The following ERC2 variants were observed in gnomAD, a reference collection of about 807,000 sequenced individuals.
The protein encoded by ERC2 is ERC protein 2.
A neutral mutation model predicts 114.8 loss-of-function variants in ERC2; 42 were observed. The ratio of observed to expected loss-of-function variants is 0.37; its 90% CI spans 0.29 to 0.47. The LOEUF (loss-of-function observed/expected upper bound fraction) is 0.47, where lower values mean the gene tolerates loss of function less well. Ranked by LOEUF, ERC2 falls within the 20% of genes least tolerant of loss-of-function variation. The pLI, the probability that ERC2 is intolerant of heterozygous loss-of-function variation, is 0.99. For missense variants in ERC2, 939 were observed against 1,150.7 expected, an observed-to-expected ratio of 0.82 and a Z score of 2.66; for synonymous variants, 454 against 425.5, an observed-to-expected ratio of 1.07 and a Z score of -0.82.
At chr3:55,552,497 C>T (rs1167455636) in intron 17 of ERC2, among the ~76,000 whole-genome samples, 1 of 152,106 alleles carries the variant, frequency 6.6e-6, no homozygotes, top group African/African-American at 2.4e-5. Flanking sequence ...ATTTAATCTA[C>T]CATGTTTACA....
At chr3:55,915,930 C>CAA (rs1392531820) in intron 13 of ERC2, among the ~76,000 whole-genome samples, 1 of 152,046 alleles carries the variant, frequency 6.6e-6, no homozygotes, top group Non-Finnish European at 1.5e-5. Flanking sequence ...GATTTTAAGA[C>CAA]AAAAAAATCA....
In ERC2 at chr3:56,246,853, T is replaced by A. The variant is rs115493614; in HGVS notation, c.1074+49166A>T. ...CATTTGTATAGCAGGAATTCTCGCA[T>A]CTTCGCAGAAGTCAAATTCAACTAT... On this transcript the variant is annotated intron_variant, in intron 3 of 17. Coordinates refer to ENST00000288221, the MANE Select transcript of ERC2 (RefSeq NM_015576.3). Among the ~76,000 whole-genome samples, 340 of 152,370 alleles carry A rather than the reference T, an allele frequency of 2.2e-3. 1 individual carries two copies. The highest frequency in any genetic ancestry group is 7.9e-3 in the African/African-American group (329 of 41,588).
At chr3:55,835,412 G>T (rs2060828120) in intron 14 of ERC2, among the ~76,000 whole-genome samples, 1 of 152,142 alleles carries the variant, frequency 6.6e-6, no homozygotes, top group Non-Finnish European at 1.5e-5. Context: ...CCATGATCAA[G>T]TGGGCTTCAT....
intron 17 of ERC2, among the ~76,000 whole-genome samples, chr3:55,524,278 G>A (rs185845910): frequency 6.6e-6 from 1 of 152,164 alleles, no homozygotes; most frequent in South Asian, 2.1e-4. Context: ...TTATGTATGG[G>A]CTTGGTCATC....
intron 2 of ERC2, among the ~76,000 whole-genome samples, chr3:56,392,769 T>A (rs2060175091): frequency 6.6e-6 from 1 of 152,230 alleles, no homozygotes; most frequent in African/African-American, 2.4e-5. Flanking sequence ...CAATGGTGGT[T>A]GTGGTAAAGG....
At chr3:55,910,472 G>A (rs2064737628) in intron 13 of ERC2, among the ~76,000 whole-genome samples, 1 of 152,046 alleles carries the variant, frequency 6.6e-6, no homozygotes, top group African/African-American at 2.4e-5. Context: ...GTGTATATAT[G>A]TATATATGTA....
chr3:56,178,598 T>C (rs1415460598), intron 3 of ERC2, among the ~76,000 whole-genome samples: 4 of 152,160 alleles, frequency 2.6e-5, no homozygotes, highest in Admixed American at 2.6e-4. Context: ...GAGGAATCAA[T>C]AGGAAAGGAA....
At chr3:55,914,972 A>G (rs2065011460) in intron 13 of ERC2, among the ~76,000 whole-genome samples, 1 of 152,192 alleles carries the variant, frequency 6.6e-6, no homozygotes, top group African/African-American at 2.4e-5. Flanking sequence ...TTTAAAAATA[A>G]TCTAATTTTG....
At chr3:56,385,184 T>TG (rs2106771426) in intron 2 of ERC2, among the ~76,000 whole-genome samples, 1 of 152,032 alleles carries the variant, frequency 6.6e-6, no homozygotes, top group South Asian at 2.1e-4. Context: ...CTTATAGTTC[T>TG]GGAAGCTGGG....
At chr3:55,961,041 C>T (rs1376576586) in intron 12 of ERC2, among the ~76,000 whole-genome samples, 3 of 152,232 alleles carry the variant, frequency 2.0e-5, no homozygotes, top group Admixed American at 2.0e-4. Flanking sequence ...GGCTGAGCTA[C>T]TCCGCTGGGG....
chr3:55,589,302 G>A (rs1453608255), intron 17 of ERC2, among the ~76,000 whole-genome samples: 2 of 151,886 alleles, frequency 1.3e-5, no homozygotes, highest in East Asian at 3.9e-4. Flanking sequence ...AAAACCATGT[G>A]CTTAGAGCAC....
At chr3:55,581,284 A>T (rs549491730) in intron 17 of ERC2, among the ~76,000 whole-genome samples, 1 of 152,344 alleles carries the variant, frequency 6.6e-6, no homozygotes, top group South Asian at 2.1e-4. Flanking sequence ...AAAGAAAACC[A>T]TGTGTCTGAA....
intron 16 of ERC2, among the ~76,000 whole-genome samples, chr3:55,693,449 C>T (rs1447718046): frequency 1.3e-5 from 2 of 152,056 alleles, no homozygotes; most frequent in Non-Finnish European, 2.9e-5. Context: ...AATCCACTGC[C>T]AAGAACCCTC....
intron 13 of ERC2, among the ~76,000 whole-genome samples, chr3:55,899,689 C>T (rs771905005): frequency 4.6e-5 from 7 of 152,084 alleles, no homozygotes; most frequent in Non-Finnish European, 1.0e-4. Context: ...ATGGTAGATA[C>T]AATACAATCT....
At chr3:56,113,569 T>C (rs1345882767) in intron 6 of ERC2, among the ~76,000 whole-genome samples, 1 of 152,196 alleles carries the variant, frequency 6.6e-6, no homozygotes. Context: ...CTTTCTATAC[T>C]CACAATACTT....
intron 7 of ERC2, among the ~76,000 whole-genome samples, chr3:56,038,566 A>G (rs1463658382): frequency 1.3e-5 from 2 of 152,222 alleles, no homozygotes; most frequent in African/African-American, 4.8e-5. Flanking sequence ...CATTTGACCC[A>G]GCTATCCTTC....
At chr3:55,674,033 G>A (rs2061677592) in intron 17 of ERC2, among the ~76,000 whole-genome samples, 1 of 152,058 alleles carries the variant, frequency 6.6e-6, no homozygotes, top group African/African-American at 2.4e-5. Flanking sequence ...CAAACCCAAT[G>A]GGCAACAGTG....
chr3:55,511,816 G>A (rs1160371317), intron 17 of ERC2, among the ~76,000 whole-genome samples: 1 of 152,192 alleles, frequency 6.6e-6, no homozygotes, highest in East Asian at 1.9e-4. Flanking sequence ...GTATCCAGAA[G>A]CACCCCAAGG....
intron 14 of ERC2, among the ~76,000 whole-genome samples, chr3:55,792,527 A>G (rs935434069): frequency 2.5e-4 from 38 of 152,324 alleles, no homozygotes; most frequent in African/African-American, 8.9e-4. Flanking sequence ...TCAGTTCACA[A>G]TAGGCCTTCA....
Sources: allele counts gnomAD v4.1 joint callset (sites outside exome capture counted in the v4.1 genomes callset), GRCh38; gene constraint gnomAD v4.1.1; transcripts MANE v1.5; gene names NCBI Gene and HGNC (gene_info 2026-07-23, HGNC 2026-07-21).